The following SPECC1 variants were observed in gnomAD, a reference collection of about 807,000 sequenced individuals.
SPECC1 encodes the protein sperm antigen with calponin homology and coiled-coil domains 1, also known as cytospin-B.
In SPECC1, 62 loss-of-function variants were observed where a neutral mutation model predicts 104.1. That is an observed-to-expected ratio of 0.60 (90% CI 0.49 to 0.74). SPECC1 has a LOEUF of 0.74. SPECC1 is among the 30% of genes least tolerant of loss of function. SPECC1 has a pLI of 0.00. For missense variants in SPECC1, 1,306 were observed against 1,310.5 expected, an observed-to-expected ratio of 1.00 and a Z score of 0.05; for synonymous variants, 513 against 501.6, an observed-to-expected ratio of 1.02 and a Z score of -0.30.
intron 3 of SPECC1, among the ~76,000 whole-genome samples, chr17:20,141,283 C>T (rs1435638561): frequency 1.3e-5 from 2 of 152,218 alleles, no homozygotes; most frequent in Non-Finnish European, 2.9e-5. Flanking sequence ...TAATAACTCT[C>T]TGTTGCCGTG....
chr17:20,203,483 A>G (rs1355548717), intron 3 of SPECC1, among the ~76,000 whole-genome samples: 1 of 152,230 alleles, frequency 6.6e-6, no homozygotes, highest in East Asian at 1.9e-4. Context: ...TATTATGTCT[A>G]TATCATGTCA....
At chr17:20,247,344 C>CAG in intron 9 of SPECC1, 25 bp downstream of exon 9, 1 of 1,542,740 alleles carries the variant, frequency 6.5e-7, no homozygotes, top group Non-Finnish European at 9.0e-7. Flanking sequence ...GAAATAACCA[C>CAG]TGCTTATGGT....
intron 2 of SPECC1, among the ~76,000 whole-genome samples, chr17:20,099,610 G>T (rs1209468787): frequency 7.1e-6 from 1 of 141,546 alleles, no homozygotes; most frequent in Non-Finnish European, 1.5e-5. Flanking sequence ...CAGGAGAATT[G>T]CTTGAACCTG....
intron 4 of SPECC1, among the ~76,000 whole-genome samples, chr17:20,206,118 C>T (rs759144149): frequency 5.9e-5 from 9 of 152,128 alleles, no homozygotes; most frequent in Non-Finnish European, 1.0e-4. Flanking sequence ...TGATTATGGG[C>T]GGTTCAAAAT....
Position 20,247,264 on chromosome 17 carries a change from C to T in SPECC1, c.2543C>T (p.Pro848Leu). ...NISVHKTPRS[P>L]LSGIPVRTAP... ...TCTGTCCATAAGACCCCCAGAAGTC[C>T]CCTAAGTGGGATACCAGTGAGGACT... The change falls in exon 9 of 15, where the codon CCC becomes CTC. Residue 848 changes from proline (P) to leucine (L), a missense_variant. By Grantham distance (98) the Pro-to-Leu change is moderately conservative. Coordinates refer to ENST00000395527, the MANE Select transcript of SPECC1 (RefSeq NM_001243439.2). 2 of 1,613,792 alleles carry T rather than the reference C, an allele frequency of 1.2e-6. No homozygotes were observed. The highest frequency in any genetic ancestry group is 1.7e-6 in the Non-Finnish European group (2 of 1,179,878).
intron 3 of SPECC1, among the ~76,000 whole-genome samples, chr17:20,128,974 C>G (rs2049460870): frequency 6.6e-6 from 1 of 151,620 alleles, no homozygotes; most frequent in African/African-American, 2.4e-5. Context: ...CTCAGTGCAG[C>G]CTCAAACTCC....
At chr17:20,249,272 A>G (rs926211887) in intron 9 of SPECC1, among the ~76,000 whole-genome samples, 7 of 151,916 alleles carry the variant, frequency 4.6e-5, no homozygotes, top group East Asian at 1.9e-4. Flanking sequence ...ACAAAAATCA[A>G]CTGGGCATGG....
chr17:20,099,403 G>A (rs1388137236), intron 2 of SPECC1, among the ~76,000 whole-genome samples: 3 of 150,788 alleles, frequency 2.0e-5, no homozygotes, highest in Non-Finnish European at 4.4e-5. Context: ...ATAAGGCCTC[G>A]GCCGGGCAGG....
At chr17:20,312,875 CA>C in intron 14 of SPECC1, among the ~76,000 whole-genome samples, 2 of 152,280 alleles carry the variant, frequency 1.3e-5, no homozygotes, top group East Asian at 3.9e-4. Flanking sequence ...GATTTTGAAT[CA>C]GGGGATGAAT....
intron 14 of SPECC1, among the ~76,000 whole-genome samples, chr17:20,309,723 A>G (rs2041873361): frequency 6.6e-6 from 1 of 151,936 alleles, no homozygotes; most frequent in South Asian, 2.1e-4. Context: ...TGCAAAGGAC[A>G]TGATTTTGTT....
intron 14 of SPECC1, among the ~76,000 whole-genome samples, chr17:20,312,349 A>T (rs1314624575): frequency 1.3e-5 from 1 of 79,638 alleles, no homozygotes; most frequent in African/African-American, 1.1e-4. Flanking sequence ...TCTTTTCACA[A>T]ATTCTCAAAT....
At chr17:20,112,559 C>T (rs1425658077) in intron 3 of SPECC1, 20 of 793,742 alleles carry the variant, frequency 2.5e-5, no homozygotes, top group Admixed American at 2.2e-4. Flanking sequence ...CAGTTTAAGC[C>T]GCTGCAGTCT....
intron 4 of SPECC1, among the ~76,000 whole-genome samples, chr17:20,219,183 G>T (rs1415017019): frequency 6.6e-6 from 1 of 152,158 alleles, no homozygotes; most frequent in Non-Finnish European, 1.5e-5. Flanking sequence ...GTGATTGCTG[G>T]ATCATATGGT....
chr17:20,206,901 A>AT (rs1034381027), intron 4 of SPECC1, among the ~76,000 whole-genome samples: 4 of 152,134 alleles, frequency 2.6e-5, no homozygotes, highest in African/African-American at 7.2e-5. Context: ...TAATCATTTC[A>AT]TTTTTTTAAC....
intron 1 of SPECC1, among the ~76,000 whole-genome samples, chr17:20,058,964 C>T (rs186218709): frequency 1.4e-3 from 207 of 150,840 alleles, no homozygotes; most frequent in African/African-American, 4.0e-3. Context: ...CTCAGCCTCT[C>T]GAGTAGCTGG....
At chr17:20,148,060 G>A (rs1158679613) in intron 3 of SPECC1, among the ~76,000 whole-genome samples, 1 of 152,006 alleles carries the variant, frequency 6.6e-6, no homozygotes, top group African/African-American at 2.4e-5. Flanking sequence ...AAAAAAGATG[G>A]ACACTTTGGT....
Position 20,164,188 on chromosome 17 carries a change from T to TA in SPECC1, c.284-40142dup, listed in dbSNP as rs1305608432. On this transcript the variant is annotated intron_variant, in intron 3 of 14. Coordinates refer to ENST00000395527, the MANE Select transcript of SPECC1 (RefSeq NM_001243439.2). ...CATGTAATTTTTTTTTTTTTTTTTT[T>TA]AAAGAGACAAAGTCTTGCTCTGTTG... 5.0e-4 allele frequency among the ~76,000 whole-genome samples: 75 copies of TA among 150,894 alleles called. 1 individual carries two copies. Among genetic ancestry groups the TA allele is most frequent in the African/African-American group, 1.8e-3 (72 of 41,116 alleles).
At chr17:20,237,155 A>G in intron 7 of SPECC1, 1 of 1,352,908 alleles carries the variant, frequency 7.4e-7, no homozygotes, top group Admixed American at 3.1e-5. Context: ...TTTGGAGAAT[A>G]AAATGAAGTT....
At chr17:20,296,804 G>A (rs1242351691) in intron 12 of SPECC1, among the ~76,000 whole-genome samples, 157 bp from the exon 13 acceptor site, 10 of 151,630 alleles carry the variant, frequency 6.6e-5, no homozygotes, top group Non-Finnish European at 1.3e-4. Context: ...GAGTTCACTC[G>A]TGAATTCGGC....
Sources: allele counts gnomAD v4.1 joint callset (sites outside exome capture counted in the v4.1 genomes callset), GRCh38; gene constraint gnomAD v4.1.1; transcripts MANE v1.5; gene names NCBI Gene and HGNC (gene_info 2026-07-23, HGNC 2026-07-21).